ERBB4: variants seen among roughly 807,000 people sequenced by gnomAD.
The protein encoded by ERBB4 is erb-b2 receptor tyrosine kinase 4.
A neutral mutation model predicts 158.0 loss-of-function variants in ERBB4; 42 were observed. That is an observed-to-expected ratio of 0.27 (90% CI 0.21 to 0.34). The LOEUF is 0.34. ERBB4 is among the 10% of genes least tolerant of loss of function. The pLI is 1.00. For missense variants in ERBB4, 1,333 were observed against 1,624.1 expected, an observed-to-expected ratio of 0.82 and a Z score of 3.08; for synonymous variants, 583 against 558.7, an observed-to-expected ratio of 1.04 and a Z score of -0.61.
At chr2:212,204,730 T>C (rs2082688888) in intron 1 of ERBB4, among the ~76,000 whole-genome samples, 1 of 151,168 alleles carries the variant, frequency 6.6e-6, no homozygotes, top group African/African-American at 2.4e-5. Context: ...ACAGTATTTA[T>C]GATTGTCTTC....
At chr2:212,173,391 G>T (rs974038175) in intron 1 of ERBB4, among the ~76,000 whole-genome samples, 1 of 152,138 alleles carries the variant, frequency 6.6e-6, no homozygotes, top group Non-Finnish European at 1.5e-5. Context: ...CAGGCTGAGG[G>T]AGTAGCAAAG....
intron 17 of ERBB4, among the ~76,000 whole-genome samples, chr2:211,629,336 C>T (rs1484141605): frequency 1.3e-5 from 2 of 151,926 alleles, no homozygotes; most frequent in Non-Finnish European, 2.9e-5. Flanking sequence ...ATCCAACTTA[C>T]AAGGGACGTG....
chr2:212,519,945 T>A (rs1271909288), intron 1 of ERBB4, among the ~76,000 whole-genome samples: 1 of 151,992 alleles, frequency 6.6e-6, no homozygotes, highest in Admixed American at 6.6e-5. Context: ...AAATGATAAA[T>A]GTTTGAGTTG....
intron 1 of ERBB4, among the ~76,000 whole-genome samples, chr2:212,241,152 G>A (rs1416914602): frequency 6.6e-6 from 1 of 152,082 alleles, no homozygotes; most frequent in Non-Finnish European, 1.5e-5. Context: ...AGCTCTTTGG[G>A]AGGTTGAGGC....
chr2:211,513,351 C>G (rs923915784), intron 20 of ERBB4, among the ~76,000 whole-genome samples: 1 of 113,360 alleles, frequency 8.8e-6, no homozygotes, highest in African/African-American at 3.7e-5. Context: ...GAGCGAGACT[C>G]CGTCTCAAAA....
At chr2:211,947,354 T>C in intron 3 of ERBB4, 76 bp downstream of exon 3, 4 of 1,200,728 alleles carry the variant, frequency 3.3e-6, no homozygotes, top group South Asian at 2.5e-5. Flanking sequence ...GTAACAAATA[T>C]GACAGTAACC....
At chr2:211,469,214 G>A (rs953202597) in intron 20 of ERBB4, among the ~76,000 whole-genome samples, 1 of 152,132 alleles carries the variant, frequency 6.6e-6, no homozygotes, top group African/African-American at 2.4e-5. Context: ...GGGGCAACAC[G>A]AAAAGACTGA....
At chr2:211,822,778 A>C (rs67623637) in intron 3 of ERBB4, among the ~76,000 whole-genome samples, 35,174 of 151,934 alleles carry the variant, frequency 0.23, 4,202 homozygotes, top group South Asian at 0.33. Flanking sequence ...ATCATTAGCC[A>C]CAACATTCCT....
chr2:211,524,833 C>G (rs1276795786), intron 20 of ERBB4, among the ~76,000 whole-genome samples: 2 of 152,160 alleles, frequency 1.3e-5, no homozygotes, highest in African/African-American at 4.8e-5. Flanking sequence ...CACAGTGCAG[C>G]GGTGGGCTGA....
intron 12 of ERBB4, among the ~76,000 whole-genome samples, chr2:211,698,321 A>T (rs6723728): frequency 0.22 from 32,401 of 150,038 alleles, 4,415 homozygotes; most frequent in Middle Eastern, 0.33. Context: ...TCAGAAAAAA[A>T]AAAAAAAAAA....
chr2:212,387,551 G>A (rs1242931638), intron 1 of ERBB4, among the ~76,000 whole-genome samples: 3 of 151,632 alleles, frequency 2.0e-5, no homozygotes, highest in African/African-American at 7.3e-5. Flanking sequence ...CCGAGTAGCT[G>A]GGATTACGGG....
chr2:211,982,678 C>A (rs916502237), intron 2 of ERBB4, among the ~76,000 whole-genome samples: 2 of 152,182 alleles, frequency 1.3e-5, no homozygotes, highest in African/African-American at 4.8e-5. Flanking sequence ...TTATCCGATT[C>A]TATAGGGCTC....
intron 3 of ERBB4, among the ~76,000 whole-genome samples, chr2:211,881,303 A>C (rs1302635677): frequency 2.0e-5 from 3 of 152,194 alleles, no homozygotes; most frequent in African/African-American, 7.2e-5. Flanking sequence ...TAGTGAGGGC[A>C]AAAGAGTCAT....
Position 211,785,103 on chromosome 2 carries a change from T to TA in ERBB4, c.556+2921_556+2922insT, listed in dbSNP as rs953228849. On this transcript the variant is annotated intron_variant, in intron 4 of 27. Transcript: ENST00000342788. The stretch of plus-strand genomic sequence containing the variant: ...CTTTTGATGCACAGCCTTTTTTTTT[T>TA]TTTTTTTTTTATTTTTTGAGACGGA... Among the ~76,000 whole-genome samples, 16 of 145,488 alleles carry TA rather than the reference T, an allele frequency of 1.1e-4. No homozygotes were observed. The South Asian group carries it at 1.7e-3, about 16-fold the overall frequency.
intron 2 of ERBB4, among the ~76,000 whole-genome samples, chr2:212,119,982 C>A (rs2079696878): frequency 6.6e-6 from 1 of 151,858 alleles, no homozygotes; most frequent in Non-Finnish European, 1.5e-5. Context: ...TTTTAGTGTA[C>A]TAAAAGGAAA....
intron 1 of ERBB4, among the ~76,000 whole-genome samples, chr2:212,248,518 T>C (rs2084396271): frequency 6.6e-6 from 1 of 152,078 alleles, no homozygotes; most frequent in Non-Finnish European, 1.5e-5. Context: ...TTCTTAACTG[T>C]GATATACTTT....
chr2:212,420,031 C>T (rs933593266), intron 1 of ERBB4, among the ~76,000 whole-genome samples: 5 of 152,084 alleles, frequency 3.3e-5, no homozygotes, highest in South Asian at 2.1e-4. Flanking sequence ...ATTATGAAAA[C>T]TGAAACATCT....
chr2:211,433,538 G>A (rs771809502), intron 20 of ERBB4, among the ~76,000 whole-genome samples: 30 of 150,612 alleles, frequency 2.0e-4, no homozygotes, highest in African/African-American at 5.4e-4. Flanking sequence ...CCAAGATGGC[G>A]CCACTGCACT....
chr2:212,113,808 G>A (rs2079493041), intron 2 of ERBB4, among the ~76,000 whole-genome samples: 1 of 151,868 alleles, frequency 6.6e-6, no homozygotes, highest in African/African-American at 2.4e-5. Context: ...TTCCATTATG[G>A]GTAGTATATC....
Sources: gnomAD v4.1 joint callset for allele counts (sites outside exome capture counted in the v4.1 genomes callset) on GRCh38, gnomAD v4.1.1 for gene constraint, MANE v1.5 for transcripts, NCBI Gene and HGNC (gene_info 2026-07-23, HGNC 2026-07-21) for gene names.